The following TRIM67 variants were observed in gnomAD, a reference collection of about 807,000 sequenced individuals.
TRIM67 encodes tripartite motif-containing protein 67.
Under a neutral mutation model 71.0 loss-of-function variants are expected in TRIM67, and 39 were observed. The ratio of observed to expected loss-of-function variants is 0.55; its 90% CI spans 0.43 to 0.72. The LOEUF is 0.72. Among genes scored for constraint, TRIM67 ranks in the 30% least tolerant of loss-of-function variants. TRIM67 has a pLI of 0.00. For synonymous variants in TRIM67, 481 were observed against 473.9 expected (o/e 1.01, Z -0.19); for missense variants, 973 against 1,079.2 (o/e 0.90, Z 1.38).
In TRIM67 at chr1:231,163,727, C is replaced by T; in HGVS notation, c.758C>T (p.Pro253Leu). ...TTCGCCAAGCATCGCCTGGTGCAGCCGCCGCCGCCGCCGCCGCCGCCCGCC... is the reference window on the plus strand; with the variant it reads ...TTCGCCAAGCATCGCCTGGTGCAGCTGCCGCCGCCGCCGCCGCCGCCCGCC... ...GPFAKHRLVQPPPPPPPPAEA... is the reference protein window; with the variant it reads ...GPFAKHRLVQLPPPPPPPAEA... The change falls in exon 1 of 10, where the codon CCG (proline) becomes CTG (leucine). Residue 253 changes from proline to leucine, a missense_variant. By Grantham distance (98) the Pro-to-Leu change is moderately conservative. This residue lies in a region of TRIM67 where 795 missense variants were observed against 831.3 expected (regional missense o/e 0.96). Transcript: ENST00000366653. 7.0e-7 allele frequency: 1 copy of T among 1,429,870 alleles called. No individual in the cohort carries two copies. The highest frequency in any genetic ancestry group is 9.2e-7 in the Non-Finnish European group (1 of 1,085,890). 88.6% of individuals were successfully genotyped at this position (1,429,870 alleles called of 1,614,324 possible).
Position 231,163,773 on chromosome 1 carries a change from T to C in TRIM67, c.804T>C (p.Thr268=), listed in dbSNP as rs781240989. Residue 268 remains threonine (T), a synonymous_variant, in exon 1 of 10, where the codon ACT becomes ACC. Coordinates refer to ENST00000366653, the MANE Select transcript of TRIM67 (RefSeq NM_001004342.5). Reference sequence around the variant, plus strand: ...CCGCCGAGGCAGCCTCCGGGCCCACTGGCACCGCCCAGGGCGCCCCCAGCG... The same window carrying C: ...CCGCCGAGGCAGCCTCCGGGCCCACCGGCACCGCCCAGGGCGCCCCCAGCG... The part of the protein sequence containing the change: ...PPPAEAASGP[T]GTAQGAPSGG... 4 of 1,491,426 alleles carry C rather than the reference T, an allele frequency of 2.7e-6. No individual in the cohort carries two copies. The highest frequency in any genetic ancestry group is 3.6e-6 in the Non-Finnish European group (4 of 1,120,436). The allele number at this position is 1,491,426 out of a possible 1,614,324, so 92.4% of individuals were successfully genotyped here.
At chr1:231,192,779 G>A (rs1021120560) in intron 1 of TRIM67, among the ~76,000 whole-genome samples, 36 of 152,214 alleles carry the variant, frequency 2.4e-4, no homozygotes, top group African/African-American at 8.2e-4. Flanking sequence ...CGTGCATTGA[G>A]GTGACCTCAC....
At chr1:231,200,106 C>G in intron 3 of TRIM67, 42 bp from the exon 4 acceptor site, 1 of 1,485,866 alleles carries the variant, frequency 6.7e-7, no homozygotes. Context: ...GCCTGTTCTT[C>G]CTCTCATGAG....
rs771321807 is a variant in TRIM67, at chr1:231,199,047, G to C, written c.1141G>C (p.Glu381Gln). Reference protein sequence around the residue: ...QLKNILQQIQENGLDYEACLV... With the variant: ...QLKNILQQIQQNGLDYEACLV... ...CCAACCAACCCCCAACCTCTGCCAG[G>C]AAAACGGACTGGACTACGAAGCCTG... Residue 381 changes from glutamate (E) to glutamine (Q), a missense_variant and splice_region_variant, in exon 3 of 10, where the codon GAA becomes CAA. Physicochemically the swap from Glu to Gln is conservative, Grantham distance 29 (BLOSUM62 2). Coordinates refer to ENST00000366653, the MANE Select transcript of TRIM67 (RefSeq NM_001004342.5). The C allele has an allele frequency of 1.1e-5, 17 of 1,613,770 alleles. No homozygotes were observed. The highest frequency in any genetic ancestry group is 1.4e-5 in the Non-Finnish European group (16 of 1,179,856).
chr1:231,214,400 G>C (rs1364605792), intron 9 of TRIM67, among the ~76,000 whole-genome samples: 2 of 152,252 alleles, frequency 1.3e-5, no homozygotes, highest in East Asian at 3.9e-4. Context: ...TTGTGGCCCT[G>C]AATATTGAGG....
At position 231,209,445 on chromosome 1, in the gene TRIM67, A is replaced by G. The variant is rs1418632602; in HGVS notation, c.2123+195A>G. 6.6e-6 allele frequency among the ~76,000 whole-genome samples: 1 copy of G among 152,186 alleles called. No homozygotes were observed. On this transcript the variant is annotated intron_variant, in intron 8 of 9. Transcript: ENST00000366653. The surrounding 1 kb of genome is among the most constrained non-coding windows in gnomAD (Gnocchi z 4.1). The stretch of plus-strand genomic sequence containing the variant: ...ACTGGCCTGCAGCCCAGATGAGGGT[A>G]TGTTATGGTGACTCTCACAGCACCC...
rs376686939 is a variant in TRIM67, at chr1:231,213,827, C to A, written c.2136C>A (p.Gly712=). Residue 712 remains glycine, a synonymous_variant, in exon 9 of 10, where the codon GGC becomes GGA. Transcript: ENST00000366653. ...ACTCTCTTCCCAGGACGGAAGGTGG[C>A]GTGTGCAAGGGGGCCACCGTGGGCG... ...CNSHTNRTEG[G]VCKGATVGVL... 4.3e-4 allele frequency: 692 copies of A among 1,597,764 alleles called. 1 individual carries two copies. The highest frequency in any genetic ancestry group is 2.5e-3 in the African/African-American group (185 of 74,668).
chr1:231,195,007 G>C (rs1571889674), intron 1 of TRIM67, among the ~76,000 whole-genome samples: 1 of 152,278 alleles, frequency 6.6e-6, no homozygotes, highest in Non-Finnish European at 1.5e-5. Flanking sequence ...GGAATTACAG[G>C]AATGAGCTAC....
intron 1 of TRIM67, among the ~76,000 whole-genome samples, chr1:231,176,773 C>G (rs1454936193): frequency 6.6e-6 from 1 of 152,060 alleles, no homozygotes. Flanking sequence ...GGACATCTAA[C>G]TTGACAGGCA....
chr1:231,201,661 T>C, intron 5 of TRIM67, 144 bp downstream of exon 5: 1 of 1,022,756 alleles, frequency 9.8e-7, no homozygotes, highest in South Asian at 1.7e-5. Context: ...GTCACGGACC[T>C]AGGTTCAAGT....
At chr1:231,210,273 C>T (rs1571903531) in intron 8 of TRIM67, among the ~76,000 whole-genome samples, 1 of 152,118 alleles carries the variant, frequency 6.6e-6, no homozygotes, top group African/African-American at 2.4e-5. Context: ...AAAATTGACC[C>T]GGAGGCTCTC....
At chr1:231,176,461 G>A (rs1346436651) in intron 1 of TRIM67, among the ~76,000 whole-genome samples, 1 of 152,152 alleles carries the variant, frequency 6.6e-6, no homozygotes, top group Admixed American at 6.5e-5. Context: ...CACGGATGGT[G>A]AGTAGGTTCA....
intron 1 of TRIM67, among the ~76,000 whole-genome samples, chr1:231,172,062 G>A (rs1025869721): frequency 2.0e-5 from 3 of 152,136 alleles, no homozygotes; most frequent in Non-Finnish European, 4.4e-5. Flanking sequence ...ACTCTAGCCT[G>A]GGCAACAGAG....
At position 231,219,092 on chromosome 1, in the gene TRIM67, T is replaced by C; in HGVS notation, c.*3652T>C. 5.1e-6 allele frequency: 5 copies of C among 985,342 alleles called. No individual in the cohort carries two copies. The highest frequency in any genetic ancestry group is 6.0e-6 in the Non-Finnish European group (5 of 829,874). The allele number at this position is 985,342 out of a possible 1,614,324, so 61.0% of individuals were successfully genotyped here. ...TGGTCCCATGGCCACCTGCTGGCTT[T>C]GAGGTAGTGAGGGAGGGTCAATCCT... is the stretch of plus-strand genomic sequence containing the variant. On this transcript the variant is annotated 3_prime_UTR_variant, in exon 10 of 10. Coordinates refer to ENST00000366653, the MANE Select transcript of TRIM67 (RefSeq NM_001004342.5).
intron 1 of TRIM67, among the ~76,000 whole-genome samples, chr1:231,175,793 A>G (rs770754552): frequency 1.3e-5 from 2 of 152,272 alleles, no homozygotes; most frequent in Non-Finnish European, 2.9e-5. Flanking sequence ...ATCTTCCACC[A>G]GGAGAATTAA....
At chr1:231,176,372 C>T (rs1252203396) in intron 1 of TRIM67, among the ~76,000 whole-genome samples, 2 of 152,080 alleles carry the variant, frequency 1.3e-5, no homozygotes, top group Admixed American at 1.3e-4. Flanking sequence ...CAGTGAATTT[C>T]CCCCAGAGAT....
At chr1:231,194,009 C>T (rs143200725) in intron 1 of TRIM67, among the ~76,000 whole-genome samples, 110 of 152,344 alleles carry the variant, frequency 7.2e-4, no homozygotes, top group African/African-American at 2.6e-3. Context: ...CATGACACCA[C>T]GTGAGGACCT....
Position 231,201,532 on chromosome 1 carries a change from GC to G in TRIM67, c.1534+19del. ...GAAATGTAGGGGTGAGCCGCGGTTG[GC>G]CCCAGTTCAGTCAGTGCTTCTTTCA... On this transcript the variant is annotated intron_variant, in intron 5 of 9. Transcript: ENST00000366653. 1 of 1,611,540 alleles carries G rather than the reference GC, an allele frequency of 6.2e-7. No individual in the cohort carries two copies.
At position 231,217,327 on chromosome 1, in the gene TRIM67, A is replaced by C. The variant is rs894117418; in HGVS notation, c.*1887A>C. The C allele has an allele frequency of 1.5e-5, 15 of 985,320 alleles. No individual in the cohort carries two copies. Among genetic ancestry groups the C allele is most frequent in the Admixed American group, 6.2e-5 (1 of 16,214 alleles). 61.0% of individuals were successfully genotyped at this position (985,320 alleles called of 1,614,324 possible). A position where few individuals can be genotyped will look rare whatever the true frequency, so the allele number is the denominator to read the frequency against. On this transcript the variant is annotated 3_prime_UTR_variant, in exon 10 of 10. Coordinates refer to ENST00000366653, the MANE Select transcript of TRIM67 (RefSeq NM_001004342.5). Reference sequence around the variant, plus strand: ...TTGCCTCTTCCTTGTCATCTCACCAAGCGGTTTCTGGGTCTCCTCCTCCCA... The same window carrying C: ...TTGCCTCTTCCTTGTCATCTCACCACGCGGTTTCTGGGTCTCCTCCTCCCA...
Sources: allele counts gnomAD v4.1 joint callset (sites outside exome capture counted in the v4.1 genomes callset), GRCh38; gene constraint gnomAD v4.1.1; regional missense constraint gnomAD v4.1.1; non-coding constraint Gnocchi (gnomAD v3.1); transcripts MANE v1.5; gene names NCBI Gene and HGNC (gene_info 2026-07-23, HGNC 2026-07-21).